The following RIT2 variants were observed in gnomAD, a reference collection of about 807,000 sequenced individuals.
The protein encoded by RIT2 is GTP-binding protein Rit2.
RIT2 carries 24 observed loss-of-function variants against 23.7 expected under a neutral mutation model. That is an observed-to-expected ratio of 1.01 (90% CI 0.73 to 1.43). The LOEUF is 1.43. Ranked by LOEUF, RIT2 falls within the 40% of genes most tolerant of loss-of-function variation. The pLI is 0.00. For synonymous variants in RIT2, 107 were observed against 91.1 expected, an observed-to-expected ratio of 1.17 and a Z score of -0.99; for missense variants, 236 against 266.9, an observed-to-expected ratio of 0.88 and a Z score of 0.81.
intron 4 of RIT2, among the ~76,000 whole-genome samples, chr18:42,821,456 A>C (rs1480166175): frequency 6.6e-6 from 1 of 152,112 alleles, no homozygotes; most frequent in East Asian, 1.9e-4. Flanking sequence ...ACTTTAAAGC[A>C]GTAGTTGTCC....
chr18:42,856,242 T>C (rs1907177328), intron 4 of RIT2, among the ~76,000 whole-genome samples: 1 of 152,230 alleles, frequency 6.6e-6, no homozygotes, highest in African/African-American at 2.4e-5. Context: ...TGTAGGTCAT[T>C]AGACCTTTGT....
intron 3 of RIT2, among the ~76,000 whole-genome samples, chr18:42,926,923 T>C (rs1320955173): frequency 6.6e-6 from 1 of 151,902 alleles, no homozygotes; most frequent in Non-Finnish European, 1.5e-5. Flanking sequence ...TAGAGCATGT[T>C]TTCTGACATG....
chr18:42,854,287 T>C (rs182237811), intron 4 of RIT2, among the ~76,000 whole-genome samples: 25 of 152,294 alleles, frequency 1.6e-4, no homozygotes, highest in African/African-American at 5.8e-4. Flanking sequence ...TAACCTTAGT[T>C]TGATTGTCAG....
At chr18:42,772,722 T>A (rs1430917784) in intron 4 of RIT2, among the ~76,000 whole-genome samples, 4 of 152,208 alleles carry the variant, frequency 2.6e-5, no homozygotes, top group African/African-American at 9.6e-5. Flanking sequence ...ATGAAGTGAC[T>A]TTTGACTTTC....
At chr18:42,794,301 T>C (rs916021466) in intron 4 of RIT2, among the ~76,000 whole-genome samples, 5 of 152,202 alleles carry the variant, frequency 3.3e-5, no homozygotes, top group Admixed American at 6.5e-5. Context: ...CCTGACTTAG[T>C]AGCATCAGAC....
intron 3 of RIT2, among the ~76,000 whole-genome samples, chr18:42,937,042 G>A (rs893198801): frequency 6.6e-6 from 1 of 151,446 alleles, no homozygotes; most frequent in Non-Finnish European, 1.5e-5. Flanking sequence ...GAGAGAATGT[G>A]ACTTGAGGGA....
intron 4 of RIT2, among the ~76,000 whole-genome samples, chr18:42,884,852 A>T (rs1451645970): frequency 1.3e-5 from 2 of 152,242 alleles, no homozygotes; most frequent in African/African-American, 4.8e-5. Context: ...TGGTTTCTAC[A>T]TCAACTATTT....
chr18:43,095,649 A>G (rs899911096), intron 1 of RIT2, among the ~76,000 whole-genome samples: 5 of 152,028 alleles, frequency 3.3e-5, no homozygotes, highest in African/African-American at 1.2e-4. Context: ...CATTGTATCT[A>G]AAGACAAATG....
At chr18:42,942,594 C>T (rs533617309) in intron 3 of RIT2, among the ~76,000 whole-genome samples, 32 of 152,150 alleles carry the variant, frequency 2.1e-4, no homozygotes, top group South Asian at 1.0e-3. Flanking sequence ...CCCATGTCCA[C>T]GTGCGCTTTC....
intron 4 of RIT2, among the ~76,000 whole-genome samples, chr18:42,753,206 A>C (rs1913087262): frequency 6.6e-6 from 1 of 152,138 alleles, no homozygotes; most frequent in Non-Finnish European, 1.5e-5. Flanking sequence ...CAGTCCCAAC[A>C]ATCTGCTGAC....
chr18:42,813,752 G>A (rs1410229366), intron 4 of RIT2, among the ~76,000 whole-genome samples: 1 of 152,210 alleles, frequency 6.6e-6, no homozygotes, highest in East Asian at 1.9e-4. Flanking sequence ...CAGGCGGACA[G>A]AGCAGCATGT....
chr18:42,970,788 G>A (rs1033858797), intron 3 of RIT2, among the ~76,000 whole-genome samples: 3 of 151,842 alleles, frequency 2.0e-5, no homozygotes, highest in Non-Finnish European at 2.9e-5. Context: ...TCAAACCTGA[G>A]CATAAAAATA....
At chr18:42,904,112 T>C (rs1456668809) in intron 4 of RIT2, among the ~76,000 whole-genome samples, 2 of 152,130 alleles carry the variant, frequency 1.3e-5, no homozygotes, top group Non-Finnish European at 2.9e-5. Flanking sequence ...TACAAGAATT[T>C]CTTTGTATGA....
chr18:42,931,310 C>G (rs1398653172), intron 3 of RIT2, among the ~76,000 whole-genome samples: 4 of 152,066 alleles, frequency 2.6e-5, no homozygotes, highest in African/African-American at 9.7e-5. Flanking sequence ...AATCCTTAAA[C>G]TAAATGGATA....
chr18:42,926,819 A>G (rs1327253592), intron 3 of RIT2, among the ~76,000 whole-genome samples: 1 of 151,966 alleles, frequency 6.6e-6, no homozygotes, highest in Non-Finnish European at 1.5e-5. Flanking sequence ...CTCTGTATGA[A>G]TATATAACTG....
intron 3 of RIT2, among the ~76,000 whole-genome samples, chr18:42,927,296 G>T (rs1225452476): frequency 1.3e-5 from 2 of 151,354 alleles, no homozygotes; most frequent in African/African-American, 2.4e-5. Flanking sequence ...GAATGTGGAG[G>T]ATATTTTAAC....
At position 42,901,772 on chromosome 18, in the gene RIT2, T is replaced by C. The variant is rs150026241; in HGVS notation, c.426+21800A>G. Among the ~76,000 whole-genome samples, 947 of 152,130 alleles carry C rather than the reference T, an allele frequency of 6.2e-3. 6 individuals carry two copies. The highest frequency in any genetic ancestry group is 0.021 in the African/African-American group (873 of 41,552). ...TGATGTAGGAGAATATACAAGTTTA[T>C]TGGCGTGGCTTTAGATTGCACATTG... On this transcript the variant is annotated intron_variant, in intron 4 of 4. Transcript: ENST00000326695.
At chr18:43,111,452 A>G (rs1186682114) in intron 1 of RIT2, among the ~76,000 whole-genome samples, 2 of 152,172 alleles carry the variant, frequency 1.3e-5, no homozygotes, top group African/African-American at 4.8e-5. Context: ...GTATAATGGA[A>G]GATTTATAAC....
chr18:42,744,609 T>C (rs1286606887), intron 4 of RIT2, among the ~76,000 whole-genome samples: 5 of 152,278 alleles, frequency 3.3e-5, no homozygotes, highest in Admixed American at 2.6e-4. Flanking sequence ...CATAAGATAT[T>C]AATACCTACC....
Sources: allele counts gnomAD v4.1 joint callset (sites outside exome capture counted in the v4.1 genomes callset), GRCh38; gene constraint gnomAD v4.1.1; transcripts MANE v1.5; gene names NCBI Gene and HGNC (gene_info 2026-07-23, HGNC 2026-07-21).